Variants in NECTIN1 observed in about 807,000 individuals in gnomAD.
NECTIN1 encodes nectin-1.
NECTIN1 carries 23 observed loss-of-function variants against 48.0 expected under a neutral mutation model. That is an observed-to-expected ratio of 0.48 (90% confidence interval 0.34 to 0.68). The LOEUF is 0.68. Ranked by LOEUF, NECTIN1 falls within the 30% of genes least tolerant of loss-of-function variation. NECTIN1 has a pLI of 0.01. For missense variants in NECTIN1, 591 were observed against 709.9 expected (o/e 0.83, Z 1.90); for synonymous variants, 270 against 288.9 (o/e 0.93, Z 0.66).
intron 5 of NECTIN1, among the ~76,000 whole-genome samples, chr11:119,668,753 T>C (rs1182122550): frequency 6.6e-6 from 1 of 152,214 alleles, no homozygotes; most frequent in African/African-American, 2.4e-5. Flanking sequence ...GTAAAGCCTG[T>C]ATAAATTGCA....
At chr11:119,708,095 G>A (rs931107583) in intron 1 of NECTIN1, among the ~76,000 whole-genome samples, 2 of 152,234 alleles carry the variant, frequency 1.3e-5, no homozygotes, top group Non-Finnish European at 2.9e-5. Context: ...AGCAATGGGA[G>A]CTCAGAAGGG....
intron 1 of NECTIN1, among the ~76,000 whole-genome samples, chr11:119,721,749 C>T (rs1865834072): frequency 1.3e-5 from 2 of 152,250 alleles, no homozygotes; most frequent in Admixed American, 1.3e-4. Context: ...GCTCCGTGCT[C>T]ACACCTCAGG....
chr11:119,689,135 CACA>C (rs773225159), intron 1 of NECTIN1, among the ~76,000 whole-genome samples: 57 of 152,274 alleles, frequency 3.7e-4, no homozygotes, highest in Non-Finnish European at 7.2e-4. Flanking sequence ...AAGTGAAATC[CACA>C]ACATGTGTTC....
intron 5 of NECTIN1, among the ~76,000 whole-genome samples, chr11:119,667,421 C>G (rs569209756): frequency 6.6e-6 from 1 of 152,324 alleles, no homozygotes; most frequent in South Asian, 2.1e-4. Context: ...AACTCACAGC[C>G]TCCCCAGGGA....
At chr11:119,698,245 G>T (rs1865375653) in intron 1 of NECTIN1, among the ~76,000 whole-genome samples, 1 of 152,218 alleles carries the variant, frequency 6.6e-6, no homozygotes, top group Non-Finnish European at 1.5e-5. Flanking sequence ...CAGAGTTGGG[G>T]GCCTGAGCCT....
chr11:119,677,126 G>T lies in NECTIN1; in HGVS notation c.827C>A (p.Pro276Gln), dbSNP rs1248851345. ...CGTGGTCCAGTGGTACTCAGTGGCTGGGGGGTTAGCATCAGCTTTGCAGGT... is the reference window on the plus strand; with the variant it reads ...CGTGGTCCAGTGGTACTCAGTGGCTTGGGGGTTAGCATCAGCTTTGCAGGT... ...KLTCKADANP[P>Q]ATEYHWTTLN... The change falls in exon 4 of 6, where the codon CCA (proline) becomes CAA (glutamine). Residue 276 changes from proline (P) to glutamine (Q), a missense_variant. Transcript: ENST00000264025. This position sits in a 1 kb window ranked among gnomAD's most constrained non-coding sequence, Gnocchi z 5.4. 3 of 1,613,894 alleles carry T rather than the reference G, an allele frequency of 1.9e-6. No individual in the cohort carries two copies. Among genetic ancestry groups the T allele is most frequent in the Admixed American group, 3.3e-5 (2 of 60,016 alleles).
chr11:119,652,361 C>G (rs1054475723), intron 5 of NECTIN1, among the ~76,000 whole-genome samples: 2 of 152,098 alleles, frequency 1.3e-5, no homozygotes, highest in Non-Finnish European at 2.9e-5. Flanking sequence ...ATCTCCTCCC[C>G]CTCCTCCTCT....
chr11:119,678,422 C>T lies in NECTIN1; in HGVS notation c.423G>A (p.Thr141=), dbSNP rs142753103. The change falls in exon 2 of 6, where the codon ACG becomes ACA. Residue 141 remains threonine, a synonymous_variant. Coordinates refer to ENST00000264025, the MANE Select transcript of NECTIN1 (RefSeq NM_002855.5). This position sits in a 1 kb window ranked among gnomAD's most constrained non-coding sequence, Gnocchi z 4.4. ...GGGCCCAGGGCAGCTTACCCATCAC[C>T]GTGAGATTGAGCTGGCTTTCTCGAT... ...TGNRESQLNL[T]VMAKPTNWIE... The T allele has an allele frequency of 5.3e-4, 854 of 1,614,078 alleles. 6 individuals carry two copies. The highest frequency in any genetic ancestry group is 3.3e-4 in the Admixed American group (20 of 60,030).
chr11:119,690,158 T>C (rs1398192801), intron 1 of NECTIN1, among the ~76,000 whole-genome samples: 1 of 152,100 alleles, frequency 6.6e-6, no homozygotes, highest in Non-Finnish European at 1.5e-5. Flanking sequence ...AAGGGAGCTG[T>C]GATGCTGGAG....
At chr11:119,641,836 C>T (rs375284733) in intron 5 of NECTIN1, 1 of 151,986 alleles carries the variant, frequency 6.6e-6, no homozygotes, top group Admixed American at 6.5e-5. Context: ...CATTCTCCTG[C>T]CTCAGCCTCC....
In NECTIN1 at chr11:119,677,555, A is replaced by G; in HGVS notation, c.733T>C (p.Tyr245His). 1 of 1,612,524 alleles carries G rather than the reference A, an allele frequency of 6.2e-7. No individual in the cohort carries two copies. Among genetic ancestry groups the G allele is most frequent in the Non-Finnish European group, 8.5e-7 (1 of 1,180,002 alleles). The part of the protein sequence containing the change: ...FKESLTLNVQ[Y>H]EPEVTIEGFD... Reference sequence around the variant, plus strand: ...GCCCCTGGCAGCCAGCCCTGCTCACACTGCACGTTGAGAGTGAGGCTTTCC... The same window carrying G: ...GCCCCTGGCAGCCAGCCCTGCTCACGCTGCACGTTGAGAGTGAGGCTTTCC... The change falls in exon 3 of 6, where the codon TAT (tyrosine) becomes CAT (histidine). Residue 245 changes from tyrosine to histidine, a missense_variant and splice_region_variant. Tyr to His is a moderately conservative substitution (Grantham distance 83). Coordinates refer to ENST00000264025, the MANE Select transcript of NECTIN1 (RefSeq NM_002855.5). The surrounding 1 kb of genome is among the most constrained non-coding windows in gnomAD (Gnocchi z 5.4).
intron 1 of NECTIN1, among the ~76,000 whole-genome samples, chr11:119,697,546 T>G (rs978755097): frequency 4.6e-5 from 7 of 152,236 alleles, no homozygotes; most frequent in African/African-American, 1.7e-4. Flanking sequence ...TTTCCACCAC[T>G]ATTGGCTGAA....
chr11:119,675,129 G>C (rs757458553), intron 5 of NECTIN1, 30 bp downstream of exon 5: 7 of 1,613,750 alleles, frequency 4.3e-6, no homozygotes, highest in Middle Eastern at 1.7e-4. Context: ...CCGTGGGTGC[G>C]GAGAGGCTGG....
chr11:119,669,154 G>A (rs576801365), intron 5 of NECTIN1, among the ~76,000 whole-genome samples: 2 of 152,344 alleles, frequency 1.3e-5, no homozygotes, highest in South Asian at 2.1e-4. Flanking sequence ...GCTCATGCCT[G>A]TAATCCCAGC....
In NECTIN1 at chr11:119,703,584, A is replaced by G. The variant is rs140573182; in HGVS notation, c.80-24819T>C. ...CAAGCCCAACCTACTTGCTGTACAG[A>G]TAAGGAAATTGAGGCCAGGGAATGC... is the stretch of plus-strand genomic sequence containing the variant. On this transcript the variant is annotated intron_variant, in intron 1 of 5. Transcript: ENST00000264025. Among the ~76,000 whole-genome samples the G allele has an allele frequency of 2.2e-4, 34 of 152,322 alleles. No individual in the cohort carries two copies. In the East Asian group the frequency reaches 4.4e-3, roughly 20 times the overall value.
downstream of NECTIN1, among the ~76,000 whole-genome samples, chr11:119,656,735 C>T (rs542090828): frequency 2.6e-5 from 4 of 152,318 alleles, no homozygotes; most frequent in South Asian, 8.3e-4. Context: ...GCGGAGGACT[C>T]AAAGAGCACA....
chr11:119,661,784 C>T lies in NECTIN1; in HGVS notation c.*2963G>A. 1 of 985,530 alleles carries T rather than the reference C, an allele frequency of 1.0e-6. No individual in the cohort carries two copies. The highest frequency in any genetic ancestry group is 1.2e-6 in the Non-Finnish European group (1 of 829,956). 61.0% of individuals were successfully genotyped at this position (985,530 alleles called of 1,614,324 possible). On this transcript the variant is annotated 3_prime_UTR_variant, in exon 6 of 6. Coordinates refer to ENST00000264025, the MANE Select transcript of NECTIN1 (RefSeq NM_002855.5). ...TTAATGGCTTTCAGCAGGATCAGAC[C>T]ATTCCCTCTGCCACATCTGTGCTGA...
chr11:119,687,850 G>A (rs1865185375), intron 1 of NECTIN1, among the ~76,000 whole-genome samples: 2 of 152,238 alleles, frequency 1.3e-5, no homozygotes, highest in African/African-American at 4.8e-5. Context: ...CCCTCCCGAT[G>A]CCCTGTCCAG....
At chr11:119,668,330 C>T (rs1216321033) in intron 5 of NECTIN1, among the ~76,000 whole-genome samples, 2 of 152,316 alleles carry the variant, frequency 1.3e-5, no homozygotes, top group South Asian at 2.1e-4. Flanking sequence ...TGAATCACCC[C>T]ACCCGCAGTC....
Sources: gnomAD v4.1 joint callset for allele counts (sites outside exome capture counted in the v4.1 genomes callset) on GRCh38, gnomAD v4.1.1 for gene constraint, Gnocchi (gnomAD v3.1) non-coding constraint, MANE v1.5 for transcripts, NCBI Gene and HGNC (gene_info 2026-07-23, HGNC 2026-07-21) for gene names.